HMG20A: variants seen among roughly 807,000 people sequenced by gnomAD.
HMG20A encodes high mobility group 20A.
Under a neutral mutation model 43.9 loss-of-function variants are expected in HMG20A, and 17 were observed. The observed-to-expected ratio is 0.39, with a 90% CI of 0.27 to 0.58. The LOEUF is 0.58. Among genes scored for constraint, HMG20A ranks in the 20% least tolerant of loss-of-function variants. The probability of loss-of-function intolerance (pLI) is 0.59; values close to 1 mark genes in which losing one functional copy is unlikely to be tolerated. For synonymous variants in HMG20A, 132 were observed against 147.5 expected, an observed-to-expected ratio of 0.89 and a Z score of 0.76; for missense variants, 341 against 438.2, an observed-to-expected ratio of 0.78 and a Z score of 1.98.
At chr15:77,470,813 C>A in intron 4 of HMG20A, 97 bp from the exon 5 acceptor site, 2 of 1,053,596 alleles carry the variant, frequency 1.9e-6, no homozygotes, top group Non-Finnish European at 2.6e-6. Context: ...TCTTTTCTTC[C>A]CATGTTCTAA....
At chr15:77,505,116 T>TC in the HMG20A span, among the ~76,000 whole-genome samples, 1 of 152,106 alleles carries the variant, frequency 6.6e-6, no homozygotes, top group Non-Finnish European at 1.5e-5. Flanking sequence ...GGCCTTGGTT[T>TC]CCCCCATGTG....
intron 1 of HMG20A, among the ~76,000 whole-genome samples, chr15:77,457,441 T>A (rs1017224503): frequency 3.3e-5 from 5 of 152,242 alleles, no homozygotes; most frequent in Non-Finnish European, 7.3e-5. Context: ...AAGTGGCTGA[T>A]GTTTGGGGTC....
At chr15:77,438,666 GA>G (rs1359600081) in intron 1 of HMG20A, among the ~76,000 whole-genome samples, 1 of 152,104 alleles carries the variant, frequency 6.6e-6, no homozygotes, top group Non-Finnish European at 1.5e-5. Flanking sequence ...ACGTTTGGTA[GA>G]AAATTATAAG....
chr15:77,479,168 T>C lies in HMG20A; in HGVS notation c.908-11T>C, dbSNP rs1289265399. On this transcript the variant is annotated splice_polypyrimidine_tract_variant and intron_variant, in intron 8 of 9. Coordinates refer to ENST00000336216, the MANE Select transcript of HMG20A (RefSeq NM_001304504.2). ...GGAGGATTTTCTTACTTTCTTCTTATCTCACTTCAGGAAGTGGAGAGACAC... is the reference window on the plus strand; with the variant it reads ...GGAGGATTTTCTTACTTTCTTCTTACCTCACTTCAGGAAGTGGAGAGACAC... The C allele has an allele frequency of 6.2e-7, 1 of 1,612,886 alleles. No individual in the cohort carries two copies. The highest frequency in any genetic ancestry group is 2.2e-5 in the East Asian group (1 of 44,866).
At position 77,428,674 on chromosome 15, in the gene HMG20A, TA is replaced by T. The variant is rs2073451159; in HGVS notation, c.-5+7672del. On this transcript the variant is annotated intron_variant, in intron 1 of 9. Transcript: ENST00000336216. ...TCAAGGCTCGAGATTACACACCAAA[TA>T]AGTGGACTCTAGGCTGGGTGTGGTG... Among the ~76,000 whole-genome samples the T allele has an allele frequency of 2.6e-5, 4 of 152,208 alleles. No homozygotes were observed. The South Asian group carries it at 8.3e-4, about 32-fold the overall frequency.
chr15:77,496,094 C>A, the HMG20A span, among the ~76,000 whole-genome samples: 3 of 152,110 alleles, frequency 2.0e-5, no homozygotes, highest in Non-Finnish European at 4.4e-5. Context: ...GCCGGAGCCT[C>A]AGCCTGCTTG....
chr15:77,497,071 A>G, the HMG20A span, among the ~76,000 whole-genome samples: 1 of 152,202 alleles, frequency 6.6e-6, no homozygotes, highest in Non-Finnish European at 1.5e-5. Context: ...CAGCTCTGTT[A>G]CAATCCATAG....
chr15:77,506,652 C>A, the HMG20A span, among the ~76,000 whole-genome samples: 1 of 152,220 alleles, frequency 6.6e-6, no homozygotes, highest in African/African-American at 2.4e-5. Flanking sequence ...GACAGAGCTC[C>A]GCCTCTGAGA....
intron 2 of HMG20A, among the ~76,000 whole-genome samples, chr15:77,463,918 G>A (rs2072729754): frequency 6.6e-6 from 1 of 152,194 alleles, no homozygotes; most frequent in South Asian, 2.1e-4. Context: ...ATGAAAGGTA[G>A]CATGTAAAAG....
At chr15:77,432,377 A>G (rs1007954889) in intron 1 of HMG20A, among the ~76,000 whole-genome samples, 3 of 152,174 alleles carry the variant, frequency 2.0e-5, no homozygotes, top group Non-Finnish European at 4.4e-5. Context: ...ATTAAACCCA[A>G]AGTAAGTAGA....
the HMG20A span, among the ~76,000 whole-genome samples, chr15:77,515,195 A>G: frequency 4.6e-5 from 7 of 152,128 alleles, no homozygotes; most frequent in Admixed American, 4.6e-4. Flanking sequence ...GGGTACACAA[A>G]TGAGGGGAGT....
intron 1 of HMG20A, among the ~76,000 whole-genome samples, chr15:77,443,746 C>G (rs1275392118): frequency 6.6e-6 from 1 of 151,988 alleles, no homozygotes; most frequent in Admixed American, 6.6e-5. Context: ...CACTGTGTCA[C>G]CTAGGCTGGA....
chr15:77,438,338 T>G (rs1439694225), intron 1 of HMG20A, among the ~76,000 whole-genome samples: 3 of 152,002 alleles, frequency 2.0e-5, no homozygotes, highest in Admixed American at 1.3e-4. Context: ...TCTAATCGCA[T>G]TTGGTTACTC....
At chr15:77,512,466 C>G in the HMG20A span, among the ~76,000 whole-genome samples, 2 of 152,074 alleles carry the variant, frequency 1.3e-5, no homozygotes, top group African/African-American at 4.8e-5. Context: ...AAGGACACAA[C>G]AGCCAACTTG....
intron 1 of HMG20A, among the ~76,000 whole-genome samples, chr15:77,439,340 G>GAT (rs2142290680): frequency 6.6e-6 from 1 of 152,154 alleles, no homozygotes; most frequent in East Asian, 1.9e-4. Flanking sequence ...TTTTTACATA[G>GAT]ATATATATGT....
the HMG20A span, among the ~76,000 whole-genome samples, chr15:77,492,705 G>A: frequency 6.6e-6 from 1 of 152,070 alleles, no homozygotes; most frequent in Admixed American, 6.6e-5. Flanking sequence ...AAGATACTTG[G>A]GGGGCTGAGG....
intron 1 of HMG20A, among the ~76,000 whole-genome samples, chr15:77,424,548 A>AATTATC (rs2073405262): frequency 1.3e-5 from 2 of 152,152 alleles, no homozygotes; most frequent in African/African-American, 4.8e-5. Context: ...TCATTAATGC[A>AATTATC]ATTATCTTAC....
At chr15:77,426,427 A>T (rs1044764125) in intron 1 of HMG20A, among the ~76,000 whole-genome samples, 1 of 152,226 alleles carries the variant, frequency 6.6e-6, no homozygotes, top group Admixed American at 6.5e-5. Context: ...AGCTAGAGAA[A>T]GAAAATGTTA....
At chr15:77,516,968 CG>C in the HMG20A span, among the ~76,000 whole-genome samples, 1 of 152,182 alleles carries the variant, frequency 6.6e-6, no homozygotes, top group Non-Finnish European at 1.5e-5. Context: ...ATCGCCTCCC[CG>C]CAGCATGGTG....
Sources: allele counts gnomAD v4.1 joint callset (sites outside exome capture counted in the v4.1 genomes callset), GRCh38; gene constraint gnomAD v4.1.1; transcripts MANE v1.5; gene names NCBI Gene and HGNC (gene_info 2026-07-23, HGNC 2026-07-21).